NCOA1: variants seen among roughly 807,000 people sequenced by gnomAD.
NCOA1 encodes the protein nuclear receptor coactivator 1.
NCOA1 carries 35 observed loss-of-function variants against 150.9 expected under a neutral mutation model. The observed-to-expected ratio is 0.23, with a 90% CI of 0.18 to 0.31. NCOA1 has a LOEUF of 0.31. Ranked by LOEUF, NCOA1 falls within the 10% of genes least tolerant of loss-of-function variation. The pLI is 1.00. For missense variants in NCOA1, 1,491 were observed against 1,749.3 expected (o/e 0.85, Z 2.63); for synonymous variants, 590 against 630.0 (o/e 0.94, Z 0.95).
intron 3 of NCOA1, among the ~76,000 whole-genome samples, chr2:24,613,253 A>C (rs1668714764): frequency 6.6e-6 from 1 of 152,164 alleles, no homozygotes; most frequent in Non-Finnish European, 1.5e-5. Flanking sequence ...CTTACGGGTA[A>C]GATCACTTAG....
intron 8 of NCOA1, among the ~76,000 whole-genome samples, chr2:24,690,925 A>G (rs2148558770): frequency 6.6e-6 from 1 of 152,300 alleles, no homozygotes; most frequent in East Asian, 1.9e-4. Context: ...GTTAAGTAAA[A>G]TAAAGCAAAA....
chr2:24,682,079 C>T (rs1390061176), intron 7 of NCOA1, among the ~76,000 whole-genome samples: 2 of 152,082 alleles, frequency 1.3e-5, no homozygotes, highest in Non-Finnish European at 2.9e-5. Flanking sequence ...CTTTTAATTT[C>T]GCCGTAGATA....
At chr2:24,689,066 G>A (rs1193285927) in intron 8 of NCOA1, among the ~76,000 whole-genome samples, 2 of 151,968 alleles carry the variant, frequency 1.3e-5, no homozygotes, top group African/African-American at 2.4e-5. Context: ...TAGGTGTGCC[G>A]CCCTATTTCT....
At position 24,719,028 on chromosome 2, in the gene NCOA1, CAAAAAAAAAA is replaced by C. The variant is rs59556004; in HGVS notation, c.2600-7543_2600-7534del. ...TGTACTACAAAGTGAGACTCTGTCC[CAAAAAAAAAA>C]AAAAAAAAAAAAAAAAACCCCAAAC... On this transcript the variant is annotated intron_variant, in intron 14 of 22. Transcript: ENST00000348332. Among the ~76,000 whole-genome samples, 80 of 34,462 alleles carry C rather than the reference CAAAAAAAAAA, an allele frequency of 2.3e-3. 1 individual carries two copies. Among genetic ancestry groups the C allele is most frequent in the African/African-American group, 9.4e-3 (74 of 7,884 alleles). The allele number at this position is 34,462 out of a possible 152,430, so 22.6% of individuals were successfully genotyped here.
intron 17 of NCOA1, among the ~76,000 whole-genome samples, chr2:24,739,176 C>T (rs747350421): frequency 1.3e-5 from 2 of 152,050 alleles, no homozygotes; most frequent in African/African-American, 2.4e-5. Context: ...GAGACAGTCT[C>T]GCTCTGTCAC....
chr2:24,531,596 T>A (rs948668398), intron 1 of NCOA1, among the ~76,000 whole-genome samples: 7 of 152,088 alleles, frequency 4.6e-5, no homozygotes, highest in Admixed American at 6.6e-5. Context: ...CCTAATGCCA[T>A]CCCTCCACCA....
At chr2:24,732,812 A>G (rs1057338527) in intron 17 of NCOA1, among the ~76,000 whole-genome samples, 4 of 152,112 alleles carry the variant, frequency 2.6e-5, no homozygotes, top group African/African-American at 7.2e-5. Context: ...AAACAAAACT[A>G]TAACTAGCAG....
intron 14 of NCOA1, among the ~76,000 whole-genome samples, chr2:24,717,707 G>C (rs1209237969): frequency 6.6e-6 from 1 of 152,136 alleles, no homozygotes; most frequent in Non-Finnish European, 1.5e-5. Flanking sequence ...AACACAAAGA[G>C]TGAACTCTAA....
chr2:24,736,818 C>T (rs1397812308), intron 17 of NCOA1, among the ~76,000 whole-genome samples: 2 of 152,054 alleles, frequency 1.3e-5, no homozygotes, highest in Non-Finnish European at 2.9e-5. Context: ...GTTGTGTCAG[C>T]GAAAATGTCT....
chr2:24,643,907 G>A (rs1015785048), intron 3 of NCOA1, 59 bp from the exon 4 acceptor site: 3 of 151,452 alleles, frequency 2.0e-5, no homozygotes, highest in African/African-American at 4.9e-5. Context: ...ATTATTTATT[G>A]GAGAATAAAA....
chr2:24,689,892 G>A (rs1284036874), intron 8 of NCOA1, among the ~76,000 whole-genome samples: 1 of 152,058 alleles, frequency 6.6e-6, no homozygotes, highest in Non-Finnish European at 1.5e-5. Context: ...GTGGAGGGGA[G>A]GACCTTGGAC....
At chr2:24,558,579 G>T (rs1467732748) in intron 1 of NCOA1, among the ~76,000 whole-genome samples, 1 of 152,060 alleles carries the variant, frequency 6.6e-6, no homozygotes, top group Non-Finnish European at 1.5e-5. Flanking sequence ...CTTCCCCCTG[G>T]GTCCCTCCCA....
chr2:24,572,899 C>T (rs933152158), intron 2 of NCOA1, among the ~76,000 whole-genome samples: 9 of 151,976 alleles, frequency 5.9e-5, no homozygotes, highest in East Asian at 1.9e-4. Context: ...TTGGGGGGCC[C>T]GTAGGTTATT....
At chr2:24,660,204 A>G (rs2148494665) in intron 5 of NCOA1, among the ~76,000 whole-genome samples, 1 of 152,360 alleles carries the variant, frequency 6.6e-6, no homozygotes, top group South Asian at 2.1e-4. Flanking sequence ...ATCTGTGTAT[A>G]AAATCAGTCC....
chr2:24,494,402 G>C (rs886098822), intron 1 of NCOA1, among the ~76,000 whole-genome samples: 4 of 152,124 alleles, frequency 2.6e-5, no homozygotes, highest in Admixed American at 2.0e-4. Flanking sequence ...CACATTGTTT[G>C]AATGTTATGT....
intron 12 of NCOA1, among the ~76,000 whole-genome samples, chr2:24,705,676 G>A (rs1456336984): frequency 2.6e-5 from 4 of 152,076 alleles, no homozygotes; most frequent in Non-Finnish European, 5.9e-5. Context: ...TGATTTTTGA[G>A]TGCCATTGTC....
chr2:24,631,342 A>T (rs1329426036), intron 3 of NCOA1, among the ~76,000 whole-genome samples: 1 of 152,194 alleles, frequency 6.6e-6, no homozygotes, highest in Non-Finnish European at 1.5e-5. Context: ...CTCCCCATCA[A>T]AAAGTATATC....
intron 3 of NCOA1, among the ~76,000 whole-genome samples, chr2:24,616,752 C>T (rs1039193806): frequency 6.6e-6 from 1 of 152,102 alleles, no homozygotes; most frequent in Non-Finnish European, 1.5e-5. Context: ...TGAGCAGTCC[C>T]TGACTAGAAC....
intron 20 of NCOA1, among the ~76,000 whole-genome samples, chr2:24,755,586 T>G (rs1664457377): frequency 6.6e-6 from 1 of 151,796 alleles, no homozygotes; most frequent in African/African-American, 2.4e-5. Flanking sequence ...GAAAGCAGAG[T>G]GAGGAAGAGG....
Sources: allele counts gnomAD v4.1 joint callset (sites outside exome capture counted in the v4.1 genomes callset), GRCh38; gene constraint gnomAD v4.1.1; transcripts MANE v1.5; gene names NCBI Gene and HGNC (gene_info 2026-07-23, HGNC 2026-07-21).